The following AUTS2 variants were observed in gnomAD, a reference collection of about 807,000 sequenced individuals.
AUTS2 encodes the protein autism susceptibility gene 2 protein.
Under a neutral mutation model 112.4 loss-of-function variants are expected in AUTS2, and 17 were observed. The observed-to-expected ratio is 0.15, with a 90% CI of 0.10 to 0.23. AUTS2 has a LOEUF of 0.23. AUTS2 is among the 10% of genes least tolerant of loss of function. The pLI is 1.00. For synonymous variants in AUTS2, 751 were observed against 702.7 expected, an observed-to-expected ratio of 1.07 and a Z score of -1.09; for missense variants, 1,510 against 1,701.6, an observed-to-expected ratio of 0.89 and a Z score of 1.98.
At chr7:70,784,711 G>T (rs1305269579) in intron 15 of AUTS2, 2 of 518,546 alleles carry the variant, frequency 3.9e-6, no homozygotes, top group Non-Finnish European at 6.6e-6. Flanking sequence ...CGCTGGGAAA[G>T]AGAAAGAGGG....
At chr7:69,994,858 C>T (rs910384415) in intron 2 of AUTS2, among the ~76,000 whole-genome samples, 32 of 152,040 alleles carry the variant, frequency 2.1e-4, no homozygotes, top group Admixed American at 2.0e-4. Context: ...GGTGTTTAAA[C>T]TTTGTGGAAA....
At chr7:70,268,886 T>C (rs768141931) in intron 4 of AUTS2, among the ~76,000 whole-genome samples, 4 of 152,126 alleles carry the variant, frequency 2.6e-5, no homozygotes, top group Admixed American at 6.6e-5. Flanking sequence ...AATATAAAAA[T>C]ATGGAACACT....
intron 5 of AUTS2, among the ~76,000 whole-genome samples, chr7:70,607,130 G>A (rs1443402924): frequency 6.6e-6 from 1 of 152,158 alleles, no homozygotes; most frequent in East Asian, 1.9e-4. Flanking sequence ...ACTTCTGAAA[G>A]GAGGGAAATG....
intron 4 of AUTS2, among the ~76,000 whole-genome samples, chr7:70,251,666 A>T (rs1344505704): frequency 6.6e-6 from 1 of 152,116 alleles, no homozygotes; most frequent in African/African-American, 2.4e-5. Flanking sequence ...TCTGTACTAC[A>T]TTCCAGATGA....
chr7:69,695,922 A>G (rs986663859), intron 1 of AUTS2, among the ~76,000 whole-genome samples: 3 of 152,196 alleles, frequency 2.0e-5, no homozygotes, highest in Non-Finnish European at 2.9e-5. Flanking sequence ...CCTTCTTGAC[A>G]CTCAAGAAAT....
At chr7:70,362,473 ATGTTTCT>A (rs1792314770) in intron 4 of AUTS2, among the ~76,000 whole-genome samples, 1 of 152,122 alleles carries the variant, frequency 6.6e-6, no homozygotes, top group Non-Finnish European at 1.5e-5. Flanking sequence ...TGGTTTTCAA[ATGTTTCT>A]TCCCCGGGAA....
intron 1 of AUTS2, among the ~76,000 whole-genome samples, chr7:69,768,011 C>G (rs761523435): frequency 1.3e-5 from 2 of 152,202 alleles, no homozygotes; most frequent in South Asian, 4.1e-4. Flanking sequence ...TCTCTCCCAC[C>G]AGAGTTTATC....
chr7:70,082,972 G>T (rs564886277), intron 2 of AUTS2, among the ~76,000 whole-genome samples: 5 of 152,252 alleles, frequency 3.3e-5, no homozygotes, highest in Non-Finnish European at 4.4e-5. Flanking sequence ...AAACAAAGCA[G>T]GAATATTCTT....
intron 1 of AUTS2, among the ~76,000 whole-genome samples, chr7:69,891,774 CTTTTTTTTTTTTTTTTTTTTTTTT>C (rs763424098): frequency 6.0e-4 from 16 of 26,714 alleles, no homozygotes; most frequent in East Asian, 1.5e-3. Flanking sequence ...AGACAGATAT[CTTTTTTTTTTTTTTTTTTTTTTTT>C]TTTTTTTTTT....
chr7:70,680,126 A>G (rs934694983), intron 5 of AUTS2, among the ~76,000 whole-genome samples: 10 of 152,180 alleles, frequency 6.6e-5, no homozygotes, highest in Admixed American at 2.0e-4. Context: ...AGGAGGGTGG[A>G]AGCAGAAGAG....
rs368453448 is a variant in AUTS2, at chr7:70,708,068, T to G, written c.742+9448T>G. ...AAGTGTGCCCGTTAATAGACTGATG[T>G]GGGAGGCAGTTATATTTGGATGCCT... On this transcript the variant is annotated intron_variant, in intron 6 of 18. Coordinates refer to ENST00000342771, the MANE Select transcript of AUTS2 (RefSeq NM_015570.4). 6.6e-5 allele frequency among the ~76,000 whole-genome samples: 10 copies of G among 152,310 alleles called. No homozygotes were observed. The East Asian group carries it at 1.2e-3, about 18-fold the overall frequency.
chr7:69,984,452 A>ATT (rs1798425252), intron 2 of AUTS2, among the ~76,000 whole-genome samples: 1 of 152,034 alleles, frequency 6.6e-6, no homozygotes. Flanking sequence ...GTTTGTGAAA[A>ATT]ATTTGATAGG....
intron 4 of AUTS2, among the ~76,000 whole-genome samples, chr7:70,261,229 A>G (rs1275741246): frequency 2.0e-5 from 3 of 152,248 alleles, no homozygotes; most frequent in Non-Finnish European, 4.4e-5. Flanking sequence ...ACACACAAAA[A>G]GGTACATACT....
intron 1 of AUTS2, among the ~76,000 whole-genome samples, chr7:69,692,318 C>CTTA (rs1797383148): frequency 6.6e-6 from 1 of 152,124 alleles, no homozygotes. Flanking sequence ...TATAGAAACA[C>CTTA]TTATCATTTT....
chr7:70,284,666 C>A (rs993975553), intron 4 of AUTS2, among the ~76,000 whole-genome samples: 1 of 152,182 alleles, frequency 6.6e-6, no homozygotes, highest in South Asian at 2.1e-4. Flanking sequence ...TCTTAATGAA[C>A]TTCCATTCTG....
At chr7:70,003,278 A>AAT (rs72324826) in intron 2 of AUTS2, among the ~76,000 whole-genome samples, 5 of 128,024 alleles carry the variant, frequency 3.9e-5, no homozygotes, top group African/African-American at 6.0e-5. Context: ...TATATATGTG[A>AAT]ATATATATAT....
chr7:69,652,926 G>A (rs1165346822), intron 1 of AUTS2, among the ~76,000 whole-genome samples: 1 of 152,148 alleles, frequency 6.6e-6, no homozygotes, highest in Non-Finnish European at 1.5e-5. Flanking sequence ...GAGATACTGG[G>A]ATTTTCTTTC....
chr7:70,566,331 A>G (rs1294854012), intron 5 of AUTS2, among the ~76,000 whole-genome samples: 1 of 152,156 alleles, frequency 6.6e-6, no homozygotes, highest in African/African-American at 2.4e-5. Context: ...GGAAAGGTGT[A>G]TTTCTTGTCT....
At chr7:70,204,507 A>C (rs1810470423) in intron 4 of AUTS2, among the ~76,000 whole-genome samples, 1 of 152,144 alleles carries the variant, frequency 6.6e-6, no homozygotes, top group Admixed American at 6.6e-5. Context: ...GGAGAATGGG[A>C]GATAGAGATT....
Sources: gnomAD v4.1 joint callset for allele counts (sites outside exome capture counted in the v4.1 genomes callset) on GRCh38, gnomAD v4.1.1 for gene constraint, MANE v1.5 for transcripts, NCBI Gene and HGNC (gene_info 2026-07-23, HGNC 2026-07-21) for gene names.